SUMF1: variants seen among roughly 807,000 people sequenced by gnomAD.
SUMF1 encodes the protein sulfatase modifying factor 1.
Under a neutral mutation model 47.6 loss-of-function variants are expected in SUMF1, and 48 were observed. That is an observed-to-expected ratio of 1.01 (90% CI 0.80 to 1.28). The LOEUF is 1.28. Ranked by LOEUF, SUMF1 falls within the 50% of genes most tolerant of loss-of-function variation. The pLI, the probability that SUMF1 is intolerant of heterozygous loss-of-function variation, is 0.00. For synonymous variants in SUMF1, 230 were observed against 192.1 expected, an observed-to-expected ratio of 1.20 and a Z score of -1.63; for missense variants, 571 against 485.4, an observed-to-expected ratio of 1.18 and a Z score of -1.66.
At chr3:4,210,614 AT>A (rs1034012097) in intron 8 of SUMF1, among the ~76,000 whole-genome samples, 8 of 151,686 alleles carry the variant, frequency 5.3e-5, no homozygotes, top group South Asian at 2.1e-4. Context: ...ATGCACAAAA[AT>A]TTTTTTTTAA....
At chr3:4,117,996 T>A (rs1165338057) in intron 8 of SUMF1, among the ~76,000 whole-genome samples, 2 of 151,944 alleles carry the variant, frequency 1.3e-5, no homozygotes, top group Admixed American at 1.3e-4. Flanking sequence ...TGAATAGGTG[T>A]CTTTGAAGCA....
At chr3:4,333,332 G>A (rs1264174226) in intron 8 of SUMF1, among the ~76,000 whole-genome samples, 3 of 152,178 alleles carry the variant, frequency 2.0e-5, no homozygotes, top group Non-Finnish European at 2.9e-5. Flanking sequence ...AGGGGGCTTC[G>A]AGCAGCGGTG....
At chr3:4,332,745 A>G (rs143430608) in intron 8 of SUMF1, among the ~76,000 whole-genome samples, 1 of 152,296 alleles carries the variant, frequency 6.6e-6, no homozygotes, top group East Asian at 1.9e-4. Flanking sequence ...TACTGGGTAG[A>G]AGAGAGCAGT....
At chr3:4,036,213 G>A (rs1285949089) in intron 9 of SUMF1, among the ~76,000 whole-genome samples, 1 of 152,166 alleles carries the variant, frequency 6.6e-6, no homozygotes, top group African/African-American at 2.4e-5. Flanking sequence ...TTATGAGGAT[G>A]AGACAAAGGA....
At chr3:4,303,590 C>G in intron 8 of SUMF1, 2 of 1,376,820 alleles carry the variant, frequency 1.5e-6, no homozygotes, top group Non-Finnish European at 1.9e-6. Flanking sequence ...TCTCCTCAAG[C>G]CGCCTCGCTG....
chr3:4,209,330 G>A (rs573114375), intron 8 of SUMF1, among the ~76,000 whole-genome samples: 1 of 152,176 alleles, frequency 6.6e-6, no homozygotes, highest in Middle Eastern at 3.4e-3. Flanking sequence ...AAACATCATG[G>A]AGAACAAAAC....
intron 7 of SUMF1, among the ~76,000 whole-genome samples, chr3:4,387,539 A>C (rs1575162448): frequency 6.6e-6 from 1 of 152,088 alleles, no homozygotes; most frequent in Middle Eastern, 3.4e-3. Context: ...TCAAAGACCC[A>C]GTTCTTCATT....
intron 7 of SUMF1, among the ~76,000 whole-genome samples, chr3:4,406,236 C>T (rs1701372004): frequency 6.6e-6 from 1 of 152,126 alleles, no homozygotes; most frequent in African/African-American, 2.4e-5. Flanking sequence ...CAATTTCATC[C>T]AGTATAATTA....
At chr3:4,350,022 A>C (rs1243806878) in intron 8 of SUMF1, among the ~76,000 whole-genome samples, 1 of 144,066 alleles carries the variant, frequency 6.9e-6, no homozygotes, top group African/African-American at 2.6e-5. Context: ...TTTTTCTGAG[A>C]TGGAGTCTCG....
intron 7 of SUMF1, among the ~76,000 whole-genome samples, chr3:4,378,394 G>A (rs144487206): frequency 3.7e-4 from 56 of 152,278 alleles, no homozygotes; most frequent in African/African-American, 1.2e-3. Context: ...AAAATCTTAA[G>A]TCAAACCATT....
chr3:4,218,681 A>G (rs1438231549), intron 8 of SUMF1, among the ~76,000 whole-genome samples: 1 of 152,218 alleles, frequency 6.6e-6, no homozygotes, highest in African/African-American at 2.4e-5. Context: ...TGAGAGCATC[A>G]GTTTATAGAC....
chr3:4,452,937 G>T lies in SUMF1; in HGVS notation c.383C>A (p.Ala128Asp), dbSNP rs1414244109. 6.2e-7 allele frequency: 1 copy of T among 1,614,110 alleles called. No homozygotes were observed. The highest frequency in any genetic ancestry group is 1.7e-5 in the Admixed American group (1 of 60,014). ...RVTIDAFYMDAYEVSNTEFEK... is the reference protein window; with the variant it reads ...RVTIDAFYMDDYEVSNTEFEK... Reference sequence around the variant, plus strand: ...AAATTCAGTATTACTGACTTCATAGGCATCCATGTAAAAGGCATCAATAGT... The same window carrying T: ...AAATTCAGTATTACTGACTTCATAGTCATCCATGTAAAAGGCATCAATAGT... Residue 128 changes from alanine to aspartate, a missense_variant, in exon 2 of 9, where the codon GCC (alanine) becomes GAC (aspartate). Ala to Asp is a moderately radical substitution (Grantham distance 126). Transcript: ENST00000272902.
chr3:4,240,133 G>A (rs1470687251), intron 8 of SUMF1, among the ~76,000 whole-genome samples: 2 of 152,120 alleles, frequency 1.3e-5, no homozygotes, highest in African/African-American at 4.8e-5. Context: ...TGATGGTGGA[G>A]GATAAACTTT....
At chr3:4,259,161 C>G (rs1697030412) in intron 8 of SUMF1, among the ~76,000 whole-genome samples, 1 of 150,518 alleles carries the variant, frequency 6.6e-6, no homozygotes. Flanking sequence ...ATACCTAATG[C>G]TAGATGACGA....
chr3:4,452,101 T>A (rs1361152377), intron 2 of SUMF1, among the ~76,000 whole-genome samples: 1 of 150,704 alleles, frequency 6.6e-6, no homozygotes, highest in African/African-American at 2.4e-5. Flanking sequence ...ATTCATTTAA[T>A]AATAATTTAC....
At chr3:4,433,928 C>G (rs1281971674) in intron 3 of SUMF1, among the ~76,000 whole-genome samples, 2 of 152,168 alleles carry the variant, frequency 1.3e-5, no homozygotes, top group Non-Finnish European at 2.9e-5. Flanking sequence ...GATATGTCAC[C>G]ATACATATCC....
At chr3:4,457,662 C>T (rs2633860) in intron 1 of SUMF1, among the ~76,000 whole-genome samples, 54,274 of 152,006 alleles carry the variant, frequency 0.36, 9,793 homozygotes, top group Non-Finnish European at 0.39. Flanking sequence ...TTTCAATAAA[C>T]GGTATTAGGA....
chr3:4,233,160 A>T (rs1020540027), intron 8 of SUMF1, among the ~76,000 whole-genome samples: 1 of 152,154 alleles, frequency 6.6e-6, no homozygotes, highest in Admixed American at 6.6e-5. Flanking sequence ...TGGCAGCAGC[A>T]GACGCTTTAC....
chr3:4,214,623 T>A (rs1042942127), intron 8 of SUMF1, among the ~76,000 whole-genome samples: 2 of 152,078 alleles, frequency 1.3e-5, no homozygotes, highest in African/African-American at 4.8e-5. Flanking sequence ...CAGGAGCTGT[T>A]TTTTGAAAAG....
Sources: gnomAD v4.1 joint callset for allele counts (sites outside exome capture counted in the v4.1 genomes callset) on GRCh38, gnomAD v4.1.1 for gene constraint, MANE v1.5 for transcripts, NCBI Gene and HGNC (gene_info 2026-07-23, HGNC 2026-07-21) for gene names.